Variants in FAM107B observed in about 807,000 individuals in gnomAD.
FAM107B encodes protein FAM107B.
A neutral mutation model predicts 31.5 loss-of-function variants in FAM107B; 21 were observed. The ratio of observed to expected loss-of-function variants is 0.67; its 90% CI spans 0.47 to 0.96. The LOEUF is 0.96. Ranked by LOEUF, FAM107B falls within the 40% of genes least tolerant of loss-of-function variation. The pLI is 0.00. For synonymous variants in FAM107B, 157 were observed against 141.5 expected, an observed-to-expected ratio of 1.11 and a Z score of -0.78; for missense variants, 452 against 377.1, an observed-to-expected ratio of 1.20 and a Z score of -1.64.
intron 2 of FAM107B, among the ~76,000 whole-genome samples, chr10:14,561,209 T>G (rs1314676494): frequency 6.6e-6 from 1 of 152,206 alleles, no homozygotes; most frequent in Non-Finnish European, 1.5e-5. Flanking sequence ...CACAACAACA[T>G]GGGCCTAGCA....
intron 3 of FAM107B, among the ~76,000 whole-genome samples, chr10:14,525,561 T>A (rs1846139832): frequency 6.6e-6 from 1 of 152,184 alleles, no homozygotes; most frequent in Admixed American, 6.5e-5. Flanking sequence ...CCTGTACCCA[T>A]CAACCCCTAC....
At chr10:14,574,409 A>C (rs2131283502) in intron 2 of FAM107B, among the ~76,000 whole-genome samples, 1 of 152,328 alleles carries the variant, frequency 6.6e-6, no homozygotes, top group Non-Finnish European at 1.5e-5. Context: ...AACCAGTACA[A>C]ATGTGCCCTG....
At chr10:14,770,975 T>TAAAAAAAAA (rs56378196) in intron 1 of FAM107B, among the ~76,000 whole-genome samples, 1 of 58,922 alleles carries the variant, frequency 1.7e-5, no homozygotes, top group African/African-American at 4.9e-5. Flanking sequence ...GAGGCTGAAC[T>TAAAAAAAAA]AAAAAAAAAA....
rs539867185 is a variant in FAM107B, at chr10:14,660,508, A to C, written c.469+7126T>G. Among the ~76,000 whole-genome samples the C allele has an allele frequency of 2.0e-5, 3 of 152,350 alleles. No individual in the cohort carries two copies. The South Asian group carries it at 6.2e-4, about 32-fold the overall frequency. ...GATGTGCCACCTCTGAAAGACTGTT[A>C]ATCTCCCTCTCTCTATAAAAGTGGT... On this transcript the variant is annotated intron_variant, in intron 2 of 4. Transcript: ENST00000181796.
intron 1 of FAM107B, among the ~76,000 whole-genome samples, chr10:14,680,573 C>CAAAAA (rs35826993): frequency 1.7e-4 from 23 of 133,988 alleles, no homozygotes; most frequent in African/African-American, 5.9e-4. Context: ...GACTCTGTCT[C>CAAAAA]AAAAAAAAAA....
intron 2 of FAM107B, among the ~76,000 whole-genome samples, chr10:14,649,834 T>G (rs1384378140): frequency 6.6e-6 from 1 of 152,236 alleles, no homozygotes; most frequent in Non-Finnish European, 1.5e-5. Context: ...TCTCTTCAAA[T>G]TTTTTATAGA....
At chr10:14,641,649 G>A (rs7913727) in intron 2 of FAM107B, among the ~76,000 whole-genome samples, 145,771 of 152,234 alleles carry the variant, frequency 0.96, 69,856 homozygotes, top group East Asian at 1. Flanking sequence ...CTCTTCTTCT[G>A]AGGGCACTAT....
At chr10:14,624,513 G>A (rs777246645) in intron 2 of FAM107B, among the ~76,000 whole-genome samples, 4 of 152,128 alleles carry the variant, frequency 2.6e-5, no homozygotes, top group Non-Finnish European at 5.9e-5. Flanking sequence ...GTGTGCGCCT[G>A]TAATCCTAGC....
At chr10:14,711,255 T>C (rs1855639493) in intron 1 of FAM107B, among the ~76,000 whole-genome samples, 1 of 152,160 alleles carries the variant, frequency 6.6e-6, no homozygotes, top group African/African-American at 2.4e-5. Flanking sequence ...GTACAGCATT[T>C]ATAAAGGCTA....
intron 2 of FAM107B, among the ~76,000 whole-genome samples, chr10:14,642,103 G>T (rs1245225776): frequency 6.6e-6 from 1 of 152,246 alleles, no homozygotes; most frequent in Non-Finnish European, 1.5e-5. Context: ...CCGAAAGGGA[G>T]AACTCAGAAG....
chr10:14,526,465 C>T (rs557845440), intron 3 of FAM107B, among the ~76,000 whole-genome samples: 87 of 152,264 alleles, frequency 5.7e-4, no homozygotes, highest in African/African-American at 2.1e-3. Context: ...CGTGAGCCGC[C>T]GCGCTGGGCC....
intron 2 of FAM107B, among the ~76,000 whole-genome samples, chr10:14,607,639 AGACAG>A (rs1252584391): frequency 8.5e-5 from 13 of 152,218 alleles, no homozygotes; most frequent in Non-Finnish European, 2.9e-5. Flanking sequence ...TTCTGAATGT[AGACAG>A]GACTCTGGAA....
At chr10:14,721,864 T>A (rs1312719839) in intron 1 of FAM107B, among the ~76,000 whole-genome samples, 1 of 152,224 alleles carries the variant, frequency 6.6e-6, no homozygotes, top group Non-Finnish European at 1.5e-5. Flanking sequence ...ATCCCATTTG[T>A]CTATTTTGGC....
chr10:14,610,437 T>C (rs1852699732), intron 2 of FAM107B, among the ~76,000 whole-genome samples: 1 of 152,238 alleles, frequency 6.6e-6, no homozygotes, highest in African/African-American at 2.4e-5. Flanking sequence ...TTTGCTTAAC[T>C]GTTTTGCACA....
At chr10:14,548,296 G>T in intron 2 of FAM107B, 1 of 380,140 alleles carries the variant, frequency 2.6e-6, no homozygotes, top group Non-Finnish European at 3.6e-6. Flanking sequence ...TGGGAACACG[G>T]ACACCCTGGG....
chr10:14,531,298 T>A (rs543990856), intron 2 of FAM107B, among the ~76,000 whole-genome samples: 1 of 151,974 alleles, frequency 6.6e-6, no homozygotes, highest in Non-Finnish European at 1.5e-5. Flanking sequence ...TGTGGGAGGA[T>A]CACTGAGGCC....
intron 1 of FAM107B, among the ~76,000 whole-genome samples, chr10:14,729,112 C>A (rs529824229): frequency 6.0e-4 from 92 of 152,158 alleles, no homozygotes; most frequent in African/African-American, 2.2e-3. Flanking sequence ...CCCACCTCAG[C>A]CTCCCAAGTA....
rs147468393 is a variant in FAM107B at position 14,519,269 on chromosome 10, C to T, written c.*1921G>A. 5 of 152,048 alleles carry T rather than the reference C, an allele frequency of 3.3e-5. No individual in the cohort carries two copies. The highest frequency in any genetic ancestry group is 1.3e-4 in the Admixed American group (2 of 15,286). 9.4% of individuals were successfully genotyped at this position (152,048 alleles called of 1,614,324 possible). On this transcript the variant is annotated 3_prime_UTR_variant, in exon 5 of 5. Coordinates refer to ENST00000181796, the MANE Select transcript of FAM107B (RefSeq NM_031453.4). ...TGAATACGATCAAGTGGCAGAATTG[C>T]TTCGAGAATACAGATTTCAAGATCT... is the stretch of plus-strand genomic sequence containing the variant.
At chr10:14,556,910 T>C (rs1006620241) in intron 2 of FAM107B, among the ~76,000 whole-genome samples, 3 of 152,156 alleles carry the variant, frequency 2.0e-5, no homozygotes, top group African/African-American at 7.2e-5. Flanking sequence ...CATGCCAGTC[T>C]CTCCGCCACC....
Sources: allele counts gnomAD v4.1 joint callset (sites outside exome capture counted in the v4.1 genomes callset), GRCh38; gene constraint gnomAD v4.1.1; transcripts MANE v1.5; gene names NCBI Gene and HGNC (gene_info 2026-07-23, HGNC 2026-07-21).